Variants in HS3ST3A1 observed in about 807,000 individuals in gnomAD.
The protein encoded by HS3ST3A1 is heparan sulfate-glucosamine 3-sulfotransferase 3A1, also known as heparan sulfate glucosamine 3-O-sulfotransferase 3A1.
A neutral mutation model predicts 25.7 loss-of-function variants in HS3ST3A1; 19 were observed. The ratio of observed to expected loss-of-function variants is 0.74; its 90% CI spans 0.52 to 1.08. The LOEUF (loss-of-function observed/expected upper bound fraction) is 1.08, where lower values mean the gene tolerates loss of function less well. Among genes scored for constraint, HS3ST3A1 ranks in the 50% least tolerant of loss-of-function variants. HS3ST3A1 has a pLI of 0.00. For synonymous variants in HS3ST3A1, 226 were observed against 278.6 expected, an observed-to-expected ratio of 0.81 and a Z score of 1.88; for missense variants, 459 against 594.3, an observed-to-expected ratio of 0.77 and a Z score of 2.37.
chr17:13,536,952 C>A (rs986113334), intron 1 of HS3ST3A1, among the ~76,000 whole-genome samples: 1 of 152,184 alleles, frequency 6.6e-6, no homozygotes, highest in African/African-American at 2.4e-5. Flanking sequence ...TGCACAGACT[C>A]CTTGTCCAAT....
intron 1 of HS3ST3A1, among the ~76,000 whole-genome samples, chr17:13,574,350 G>T (rs867481977): frequency 6.6e-6 from 1 of 151,172 alleles, no homozygotes; most frequent in African/African-American, 2.4e-5. Flanking sequence ...AGCTAAGATG[G>T]TCTCGAACTC....
intron 1 of HS3ST3A1, among the ~76,000 whole-genome samples, chr17:13,560,318 A>AAAAAAAAAAAAAAAAAC (rs1598426570): frequency 6.9e-6 from 1 of 144,780 alleles, no homozygotes; most frequent in East Asian, 2.0e-4. Flanking sequence ...AAAAAAAAAA[A>AAAAAAAAAAAAAAAAAC]AGTGTATTAC....
chr17:13,512,323 A>AAAAAAAC (rs1555537370), intron 1 of HS3ST3A1, among the ~76,000 whole-genome samples: 1 of 151,036 alleles, frequency 6.6e-6, no homozygotes, highest in Non-Finnish European at 1.5e-5. Context: ...AAAAAAAAAA[A>AAAAAAAC]AAAACTGCAT....
intron 1 of HS3ST3A1, among the ~76,000 whole-genome samples, chr17:13,521,620 A>G (rs1906242998): frequency 6.6e-6 from 1 of 152,198 alleles, no homozygotes; most frequent in South Asian, 2.1e-4. Context: ...AGGTCTCACA[A>G]GTTGATATAA....
At chr17:13,515,385 C>T (rs1183823043) in intron 1 of HS3ST3A1, among the ~76,000 whole-genome samples, 4 of 151,370 alleles carry the variant, frequency 2.6e-5, no homozygotes, top group Non-Finnish European at 4.4e-5. Flanking sequence ...TTCTTGAACT[C>T]GTGACCTCAG....
intron 1 of HS3ST3A1, among the ~76,000 whole-genome samples, chr17:13,553,626 A>G (rs1220831063): frequency 6.6e-6 from 1 of 152,142 alleles, no homozygotes; most frequent in African/African-American, 2.4e-5. Context: ...TTGATTCCTT[A>G]CCAATCAAAC....
chr17:13,574,524 C>T (rs1907900476), intron 1 of HS3ST3A1, among the ~76,000 whole-genome samples: 1 of 151,712 alleles, frequency 6.6e-6, no homozygotes, highest in Non-Finnish European at 1.5e-5. Flanking sequence ...CGAGACCATC[C>T]TGGCTAACAC....
intron 1 of HS3ST3A1, among the ~76,000 whole-genome samples, chr17:13,592,068 C>T (rs1824145937): frequency 6.6e-6 from 1 of 152,176 alleles, no homozygotes; most frequent in African/African-American, 2.4e-5. Flanking sequence ...ACATTGATGG[C>T]TTGCTATGTA....
intron 1 of HS3ST3A1, among the ~76,000 whole-genome samples, chr17:13,553,771 T>C (rs916707099): frequency 1.3e-5 from 2 of 152,214 alleles, no homozygotes; most frequent in African/African-American, 4.8e-5. Context: ...AAATACCTTT[T>C]TTTAAGCTCA....
chr17:13,573,421 C>G (rs926981865), intron 1 of HS3ST3A1, among the ~76,000 whole-genome samples: 1 of 152,196 alleles, frequency 6.6e-6, no homozygotes. Context: ...ACCTCTCTGT[C>G]TATCCACAAC....
intron 1 of HS3ST3A1, among the ~76,000 whole-genome samples, chr17:13,586,410 G>T (rs1598433935): frequency 6.6e-6 from 1 of 151,318 alleles, no homozygotes; most frequent in Non-Finnish European, 1.5e-5. Flanking sequence ...AACCAGAGGG[G>T]GTCTGTGAAA....
At chr17:13,583,346 T>C (rs1201908702) in intron 1 of HS3ST3A1, among the ~76,000 whole-genome samples, 1 of 152,252 alleles carries the variant, frequency 6.6e-6, no homozygotes, top group Non-Finnish European at 1.5e-5. Context: ...GCTGCAGTTG[T>C]GTGGAGTTTC....
At chr17:13,508,558 T>TA (rs1228004325) in intron 1 of HS3ST3A1, among the ~76,000 whole-genome samples, 2 of 152,186 alleles carry the variant, frequency 1.3e-5, no homozygotes, top group African/African-American at 4.8e-5. Context: ...ACCAGTAACT[T>TA]ACAAGGCTCA....
intron 1 of HS3ST3A1, among the ~76,000 whole-genome samples, chr17:13,577,403 C>T (rs898013387): frequency 6.6e-6 from 1 of 152,138 alleles, no homozygotes; most frequent in African/African-American, 2.4e-5. Flanking sequence ...TTCTGACTGC[C>T]TCATGAAAGA....
chr17:13,591,518 A>G (rs1472971616), intron 1 of HS3ST3A1, among the ~76,000 whole-genome samples: 1 of 152,214 alleles, frequency 6.6e-6, no homozygotes, highest in Non-Finnish European at 1.5e-5. Flanking sequence ...TTAGAGAAAA[A>G]GGGAGAAAAG....
At chr17:13,580,573 G>A (rs2059233233) in intron 1 of HS3ST3A1, among the ~76,000 whole-genome samples, 1 of 152,026 alleles carries the variant, frequency 6.6e-6, no homozygotes. Context: ...CCAGCTTAAA[G>A]CCAGATTTTA....
At chr17:13,598,149 A>G (rs1198044008) in intron 1 of HS3ST3A1, among the ~76,000 whole-genome samples, 1 of 152,158 alleles carries the variant, frequency 6.6e-6, no homozygotes, top group Non-Finnish European at 1.5e-5. Context: ...CAAATCCTGT[A>G]TTGCAAAGTT....
intron 1 of HS3ST3A1, among the ~76,000 whole-genome samples, chr17:13,552,392 A>G (rs1342735935): frequency 3.3e-5 from 5 of 152,160 alleles, no homozygotes; most frequent in Non-Finnish European, 7.4e-5. Flanking sequence ...GTTCTTGAAC[A>G]CTTTAATTTT....
intron 1 of HS3ST3A1, among the ~76,000 whole-genome samples, chr17:13,527,617 A>T (rs943495389): frequency 1.3e-5 from 2 of 152,176 alleles, no homozygotes; most frequent in African/African-American, 4.8e-5. Flanking sequence ...GGTCTTTGGA[A>T]ATGCGTCTAA....
Sources: gnomAD v4.1 joint callset for allele counts (sites outside exome capture counted in the v4.1 genomes callset) on GRCh38, gnomAD v4.1.1 for gene constraint, MANE v1.5 for transcripts, NCBI Gene and HGNC (gene_info 2026-07-23, HGNC 2026-07-21) for gene names.